The following UROC1 variants were observed in gnomAD, a reference collection of about 807,000 sequenced individuals.
UROC1 encodes urocanate hydratase.
UROC1 carries 79 observed loss-of-function variants against 89.5 expected under a neutral mutation model. The observed-to-expected ratio is 0.88, with a 90% CI of 0.74 to 1.06. The LOEUF (loss-of-function observed/expected upper bound fraction) is 1.06. Among genes scored for constraint, UROC1 ranks in the 50% least tolerant of loss-of-function variants. The pLI, the probability that UROC1 is intolerant of heterozygous loss-of-function variation, is 0.00. For synonymous variants in UROC1, 361 were observed against 354.8 expected (o/e 1.02, Z -0.20); for missense variants, 885 against 907.8 (o/e 0.97, Z 0.32).
intron 15 of UROC1, among the ~76,000 whole-genome samples, chr3:126,494,991 G>A (rs1032258011): frequency 5.3e-5 from 8 of 152,156 alleles, no homozygotes; most frequent in Admixed American, 2.0e-4. Context: ...AGGGCGTGGC[G>A]CTCAGAGAGG....
At chr3:126,492,150 T>G (rs1935669745) in intron 16 of UROC1, among the ~76,000 whole-genome samples, 1 of 151,372 alleles carries the variant, frequency 6.6e-6, no homozygotes, top group African/African-American at 2.4e-5. Context: ...AGAGCCCTAC[T>G]ACTCAGCTGG....
intron 13 of UROC1, among the ~76,000 whole-genome samples, chr3:126,498,621 C>G (rs1935838226): frequency 6.6e-6 from 1 of 152,004 alleles, no homozygotes; most frequent in Non-Finnish European, 1.5e-5. Context: ...TCCCTGGGCT[C>G]CTGCACTTGC....
chr3:126,489,287 G>A lies in UROC1; in HGVS notation c.1697C>T (p.Ala566Val). The A allele has an allele frequency of 6.2e-7, 1 of 1,613,312 alleles. No individual in the cohort carries two copies. The highest frequency in any genetic ancestry group is 8.5e-7 in the Non-Finnish European group (1 of 1,179,574). The change falls in exon 17 of 20, where the codon GCC (alanine) becomes GTC (valine). Residue 566 changes from alanine to valine, a missense_variant. Coordinates refer to ENST00000290868, the MANE Select transcript of UROC1 (RefSeq NM_144639.3). ...RETSNIYDGS[A>V]FCADMAVQNF... Reference sequence around the variant, plus strand: ...CTCATCTTCCTCACCTGCACAGAAGGCAGAGCCGTCGTAAATGTTGGAGGT... The same window carrying A: ...CTCATCTTCCTCACCTGCACAGAAGACAGAGCCGTCGTAAATGTTGGAGGT...
intron 13 of UROC1, among the ~76,000 whole-genome samples, chr3:126,499,048 AGTT>A (rs1468893067): frequency 6.6e-6 from 1 of 151,944 alleles, no homozygotes. Flanking sequence ...ATTCAGGTGC[AGTT>A]GTTTGCCAGG....
Position 126,510,795 on chromosome 3 carries a change from C to A in UROC1, c.127-1G>T. The A allele has an allele frequency of 6.2e-7, 1 of 1,612,950 alleles. No individual in the cohort carries two copies. The highest frequency in any genetic ancestry group is 8.5e-7 in the Non-Finnish European group (1 of 1,179,936). Reference sequence around the variant, plus strand: ...AGCGCAGGGCGTTCCTCAGCGCCAGCTGGGGTAGGAGAGCGGAGAGGCAGT... The same window carrying A: ...AGCGCAGGGCGTTCCTCAGCGCCAGATGGGGTAGGAGAGCGGAGAGGCAGT... On this transcript the variant is annotated splice_acceptor_variant, in intron 1 of 19. Coordinates refer to ENST00000290868, the MANE Select transcript of UROC1 (RefSeq NM_144639.3). LOFTEE classifies it high-confidence loss of function.
chr3:126,517,687 C>G lies in UROC1; in HGVS notation c.33G>C (p.Leu11=). ...GGTTCTCTGGGAGGGGCCGCAGGGG[C>G]AGGCCAGAGCACAGCGCCTGGAGGC... MSSLQALCSG[L]PLRPLPENRG... is the part of the protein sequence containing the mutation. The change falls in exon 1 of 20, where the codon CTG becomes CTC. Residue 11 remains leucine, a synonymous_variant. Transcript: ENST00000290868. 1 of 1,597,198 alleles carries G rather than the reference C, an allele frequency of 6.3e-7. No individual in the cohort carries two copies. Among genetic ancestry groups the G allele is most frequent in the Middle Eastern group, 1.7e-4 (1 of 5,764 alleles).
chr3:126,500,035 C>G (rs1463367216), intron 12 of UROC1, 22 bp downstream of exon 12: 1 of 1,608,844 alleles, frequency 6.2e-7, no homozygotes, highest in Non-Finnish European at 8.5e-7. Context: ...CCTCCCTCCT[C>G]CTCCCTCCTC....
intron 6 of UROC1, among the ~76,000 whole-genome samples, chr3:126,507,218 C>T (rs1341002158): frequency 6.6e-6 from 1 of 152,164 alleles, no homozygotes; most frequent in East Asian, 1.9e-4. Flanking sequence ...CACAGATGCA[C>T]ACTTTGTCAG....
chr3:126,508,410 C>T lies in UROC1; in HGVS notation c.411+6G>A, dbSNP rs773021954. On this transcript the variant is annotated splice_donor_region_variant and intron_variant, in intron 4 of 19. Coordinates refer to ENST00000290868, the MANE Select transcript of UROC1 (RefSeq NM_144639.3). ...GGTGGGGACGAGGCCACACGGTGTG[C>T]AGTACCTGAGCCCAGTTGCTGAACA... The T allele has an allele frequency of 1.2e-6, 2 of 1,613,558 alleles. No homozygotes were observed. Among genetic ancestry groups the T allele is most frequent in the Admixed American group, 1.7e-5 (1 of 60,000 alleles).
At chr3:126,504,963 G>C (rs1219492584) in intron 8 of UROC1, among the ~76,000 whole-genome samples, 1 of 152,176 alleles carries the variant, frequency 6.6e-6, no homozygotes, top group Non-Finnish European at 1.5e-5. Context: ...TGAATGGCTT[G>C]ATGCAGTCCT....
intron 18 of UROC1, among the ~76,000 whole-genome samples, chr3:126,485,497 C>G (rs1428073038): frequency 6.6e-6 from 1 of 152,140 alleles, no homozygotes; most frequent in Non-Finnish European, 1.5e-5. Flanking sequence ...CAGAGAGGTC[C>G]TCGGGGCAGA....
rs1221319678 is a variant in UROC1 at position 126,502,922 on chromosome 3, ATG to A, written c.902+1071_902+1072del. Among the ~76,000 whole-genome samples, 10 of 149,104 alleles carry A rather than the reference ATG, an allele frequency of 6.7e-5. No homozygotes were observed. In the East Asian group the frequency reaches 1.2e-3, roughly 18 times the overall value. On this transcript the variant is annotated intron_variant, in intron 9 of 19. Transcript: ENST00000290868. The stretch of plus-strand genomic sequence containing the variant: ...CTGCATTCTCTGTGTATGTATGTGC[ATG>A]TGTGTGTTGTGTGTTTATGTGTGTG...
chr3:126,497,213 G>T (rs905797366), intron 14 of UROC1, among the ~76,000 whole-genome samples: 1 of 152,214 alleles, frequency 6.6e-6, no homozygotes, highest in African/African-American at 2.4e-5. Flanking sequence ...GGGTGTAAGG[G>T]CCCTAGAGAT....
intron 1 of UROC1, among the ~76,000 whole-genome samples, chr3:126,511,492 C>T (rs61075682): frequency 0.056 from 8,579 of 152,286 alleles, 738 homozygotes; most frequent in African/African-American, 0.19. Flanking sequence ...CAGTGCCAGC[C>T]GCCGCCTCGG....
In UROC1 at chr3:126,500,845, G is replaced by T; in HGVS notation, c.995C>A (p.Thr332Lys). The T allele has an allele frequency of 6.2e-7, 1 of 1,613,844 alleles. No individual in the cohort carries two copies. The highest frequency in any genetic ancestry group is 2.2e-5 in the East Asian group (1 of 44,874). Residue 332 changes from threonine (T) to lysine (K), a missense_variant, in exon 11 of 20, where the codon ACG (threonine) becomes AAG (lysine). By Grantham distance (78) the Thr-to-Lys change is moderately conservative. Transcript: ENST00000290868. ...WERLVHELDT[T>K]GECLVDLGSD... Reference sequence around the variant, plus strand: ...CCCCAGGTCCACCAAGCACTCCCCCGTCGTGTCCAATTCGTGGACCAGGCG... The same window carrying T: ...CCCCAGGTCCACCAAGCACTCCCCCTTCGTGTCCAATTCGTGGACCAGGCG...
At chr3:126,501,974 C>A in intron 9 of UROC1, 2 of 1,561,144 alleles carry the variant, frequency 1.3e-6, no homozygotes, top group Non-Finnish European at 1.7e-6. Flanking sequence ...GCAGAGCTCA[C>A]TCCATTCCCA....
chr3:126,488,148 C>T, intron 18 of UROC1, 50 bp downstream of exon 18: 1 of 1,606,264 alleles, frequency 6.2e-7, no homozygotes, highest in South Asian at 1.1e-5. Context: ...CCAAAGGAAC[C>T]CCCAAAACTT....
chr3:126,485,586 C>CATTT (rs1368363255), intron 18 of UROC1, among the ~76,000 whole-genome samples: 1 of 138,610 alleles, frequency 7.2e-6, no homozygotes, highest in Non-Finnish European at 1.6e-5. Flanking sequence ...CTTTGTTCCC[C>CATTT]ATTTATTTAT....
chr3:126,501,849 C>G (rs747162226), intron 9 of UROC1: 8 of 1,599,360 alleles, frequency 5.0e-6, no homozygotes, highest in Middle Eastern at 1.6e-4. Context: ...TCCCCTCCCC[C>G]AGGGGTGCAA....
Sources: gnomAD v4.1 joint callset for allele counts (sites outside exome capture counted in the v4.1 genomes callset) on GRCh38, gnomAD v4.1.1 for gene constraint, MANE v1.5 for transcripts, NCBI Gene and HGNC (gene_info 2026-07-23, HGNC 2026-07-21) for gene names.